BTD: variants seen among roughly 807,000 people sequenced by gnomAD.
BTD encodes biocytinase.
In BTD, 13 loss-of-function variants were observed where a neutral mutation model predicts 17.7. The observed-to-expected ratio is 0.74, with a 90% CI of 0.48 to 1.17. The LOEUF (loss-of-function observed/expected upper bound fraction) is 1.17, where lower values mean the gene tolerates loss of function less well. BTD is among the 50% of genes most tolerant of loss of function. The pLI, the probability that BTD is intolerant of heterozygous loss-of-function variation, is 0.00. For synonymous variants in BTD, 240 were observed against 245.2 expected (o/e 0.98, Z 0.20); for missense variants, 674 against 650.4 (o/e 1.04, Z -0.39).
chr3:15,714,553 A>C (rs530577100), downstream of BTD: 161 of 1,525,950 alleles, frequency 1.1e-4, 1 homozygote, highest in African/African-American at 1.9e-3. Context: ...AAAAACCCCA[A>C]AAAAAAAACA....
chr3:15,604,312 G>A (rs1372136160), intron 1 of BTD, among the ~76,000 whole-genome samples: 2 of 152,254 alleles, frequency 1.3e-5, no homozygotes, highest in East Asian at 3.8e-4. Context: ...AAGCTGCCAA[G>A]GCTTCAGGCT....
At chr3:15,688,336 G>C (rs1247638660) in intron 3 of BTD, among the ~76,000 whole-genome samples, 2 of 152,116 alleles carry the variant, frequency 1.3e-5, no homozygotes, top group African/African-American at 4.8e-5. Context: ...ATGTTGCCTA[G>C]AGTGCAATGA....
At chr3:15,664,868 G>A (rs1005236187) in intron 3 of BTD, among the ~76,000 whole-genome samples, 2 of 152,100 alleles carry the variant, frequency 1.3e-5, no homozygotes, top group Admixed American at 6.5e-5. Context: ...GGTGAAAGGT[G>A]GCAAGAGGAA....
rs534037844 is a variant in BTD, at chr3:15,647,948, G to T, written c.*2460G>T. Among the ~76,000 whole-genome samples, 1 of 152,330 alleles carries T rather than the reference G, an allele frequency of 6.6e-6. No individual in the cohort carries two copies. The highest frequency in any genetic ancestry group is 2.1e-4 in the South Asian group (1 of 4,828). ...ACTGCCAAGTCCCAGAGCCCACCAT[G>T]TCTGCTCTCAAGACACAGGCCTGTC... On this transcript the variant is annotated 3_prime_UTR_variant, in exon 4 of 4. Transcript: ENST00000643237.
At chr3:15,603,086 C>T (rs1477568746) in intron 1 of BTD, among the ~76,000 whole-genome samples, 1 of 152,014 alleles carries the variant, frequency 6.6e-6, no homozygotes, top group Admixed American at 6.6e-5. Context: ...GGGAAAAATC[C>T]CCTCCCCATG....
chr3:15,678,401 A>G (rs756030468), intron 3 of BTD: 39 of 1,523,054 alleles, frequency 2.6e-5, no homozygotes, highest in Non-Finnish European at 3.4e-5. Context: ...TGAATGTTAT[A>G]TATGCTGGAA....
chr3:15,693,732 T>A (rs975448959), intron 3 of BTD, among the ~76,000 whole-genome samples: 1 of 151,952 alleles, frequency 6.6e-6, no homozygotes, highest in Non-Finnish European at 1.5e-5. Flanking sequence ...CTGGGAGAGG[T>A]GATGGTGTTT....
chr3:15,655,502 T>G (rs149040752), downstream of BTD, among the ~76,000 whole-genome samples: 5 of 152,296 alleles, frequency 3.3e-5, no homozygotes, highest in Non-Finnish European at 7.3e-5. Flanking sequence ...ACAGATTTAT[T>G]CCTACAAATT....
intron 3 of BTD, among the ~76,000 whole-genome samples, chr3:15,692,842 C>T (rs954337972): frequency 1.3e-5 from 2 of 152,024 alleles, no homozygotes; most frequent in Non-Finnish European, 2.9e-5. Flanking sequence ...TTCATAATAG[C>T]CAAGAGAAGA....
At chr3:15,680,744 C>T (rs2067454143) in intron 3 of BTD, among the ~76,000 whole-genome samples, 2 of 151,698 alleles carry the variant, frequency 1.3e-5, no homozygotes, top group African/African-American at 2.4e-5. Flanking sequence ...TGACTCTCTG[C>T]AGTCTCAACC....
At chr3:15,654,465 T>A (rs1317815285), downstream of BTD, among the ~76,000 whole-genome samples, 1 of 152,168 alleles carries the variant, frequency 6.6e-6, no homozygotes, top group Admixed American at 6.5e-5. Flanking sequence ...CTGAGGGGAA[T>A]GTAATAAATA....
chr3:15,642,148 A>G (rs1263860493), intron 3 of BTD, 91 bp downstream of exon 3: 1 of 1,564,600 alleles, frequency 6.4e-7, no homozygotes, highest in African/African-American at 1.4e-5. Context: ...ACTAAGATTG[A>G]TAGGAGACCT....
chr3:15,622,341 A>T (rs778242827), intron 1 of BTD, among the ~76,000 whole-genome samples: 48 of 152,058 alleles, frequency 3.2e-4, no homozygotes, highest in Non-Finnish European at 6.9e-4. Flanking sequence ...TTTTATTTCC[A>T]AGTATTTTGG....
downstream of BTD, chr3:15,714,551 C>CA (rs375073303): frequency 0.055 from 53,516 of 972,340 alleles, 45 homozygotes; most frequent in South Asian, 0.077. Flanking sequence ...AAAAAAACCC[C>CA]AAAAAAAAAA....
intron 3 of BTD, among the ~76,000 whole-genome samples, chr3:15,708,531 C>T (rs2071776062): frequency 6.6e-6 from 1 of 152,020 alleles, no homozygotes; most frequent in Non-Finnish European, 1.5e-5. Context: ...GAATTACTTT[C>T]AACCCTCTCA....
At chr3:15,627,882 G>A (rs1199651000) in intron 1 of BTD, among the ~76,000 whole-genome samples, 1 of 152,110 alleles carries the variant, frequency 6.6e-6, no homozygotes, top group Non-Finnish European at 1.5e-5. Context: ...CACCACGCCT[G>A]GCTAATTTTT....
chr3:15,668,979 A>C (rs2066130466), intron 3 of BTD: 1 of 152,654 alleles, frequency 6.6e-6, no homozygotes, highest in Non-Finnish European at 1.5e-5. Flanking sequence ...GCAGAACCAC[A>C]CAAATCTTTA....
upstream of BTD, chr3:15,601,616 G>A (rs1240628213): frequency 1.3e-6 from 2 of 1,563,210 alleles, no homozygotes; most frequent in Non-Finnish European, 1.7e-6. Context: ...GGAAGGAAGA[G>A]GCGGTCTAAA....
chr3:15,693,862 G>T (rs2069152098), intron 3 of BTD, among the ~76,000 whole-genome samples: 1 of 152,122 alleles, frequency 6.6e-6, no homozygotes, highest in South Asian at 2.1e-4. Flanking sequence ...ATATGTCAGT[G>T]TTAAAACACC....
Sources: gnomAD v4.1 joint callset for allele counts (sites outside exome capture counted in the v4.1 genomes callset) on GRCh38, gnomAD v4.1.1 for gene constraint, MANE v1.5 for transcripts, NCBI Gene and HGNC (gene_info 2026-07-23, HGNC 2026-07-21) for gene names.